TUFT1: variants seen among roughly 807,000 people sequenced by gnomAD.
TUFT1 encodes the protein tuftelin.
TUFT1 carries 43 observed loss-of-function variants against 57.8 expected under a neutral mutation model. That is an observed-to-expected ratio of 0.74 (90% CI 0.58 to 0.96). The LOEUF (loss-of-function observed/expected upper bound fraction) is 0.96, where lower values mean the gene tolerates loss of function less well. Ranked by LOEUF, TUFT1 falls within the 40% of genes least tolerant of loss-of-function variation. The pLI, the probability that TUFT1 is intolerant of heterozygous loss-of-function variation, is 0.00. For missense variants in TUFT1, 459 were observed against 489.0 expected, an observed-to-expected ratio of 0.94 and a Z score of 0.58; for synonymous variants, 166 against 176.7, an observed-to-expected ratio of 0.94 and a Z score of 0.48.
At chr1:151,575,058 C>A (rs1266657564) in intron 9 of TUFT1, 53 bp downstream of exon 9, 4 of 1,465,078 alleles carry the variant, frequency 2.7e-6, no homozygotes, top group Non-Finnish European at 3.7e-6. Context: ...GAGGGGAGGG[C>A]AGGCCATACA....
intron 1 of TUFT1, chr1:151,557,649 G>C: frequency 9.9e-7 from 1 of 1,010,462 alleles, no homozygotes; most frequent in Non-Finnish European, 1.6e-6. Context: ...ATTTCCACTG[G>C]TACGTTACCA....
chr1:151,571,286 T>C (rs577219505), intron 7 of TUFT1, among the ~76,000 whole-genome samples: 28 of 152,282 alleles, frequency 1.8e-4, no homozygotes, highest in South Asian at 1.7e-3. Context: ...TTTGAACAAG[T>C]AGTTTAACCT....
At position 151,575,025 on chromosome 1, in the gene TUFT1, T is replaced by G. The variant is rs1368565329; in HGVS notation, c.818+20T>G. 3 of 1,551,904 alleles carry G rather than the reference T, an allele frequency of 1.9e-6. No individual in the cohort carries two copies. Among genetic ancestry groups the G allele is most frequent in the Non-Finnish European group, 2.6e-6 (3 of 1,146,800 alleles). On this transcript the variant is annotated intron_variant, in intron 9 of 12. Transcript: ENST00000368849. ...AGAAAAGTAAGGGCTTGGCTCTTGT[T>G]CACGGTGAAGTTGGGTTGCAGGGAG...
At chr1:151,563,790 CCCAGTAAATTGGTGGTAA>C in intron 3 of TUFT1, 96 bp from the exon 4 acceptor site, 3 of 842,992 alleles carry the variant, frequency 3.6e-6, no homozygotes, top group Non-Finnish European at 4.0e-6. Context: ...CCAAATTCCA[CCCAGTAAATTGGTGGTAA>C]CAATTTACCC....
intron 1 of TUFT1, among the ~76,000 whole-genome samples, chr1:151,549,113 G>A (rs1213004609): frequency 6.6e-6 from 1 of 152,142 alleles, no homozygotes; most frequent in Non-Finnish European, 1.5e-5. Flanking sequence ...TGTTTATGAG[G>A]TTAGAGGCTG....
At chr1:151,568,616 G>C (rs1253919443) in intron 6 of TUFT1, among the ~76,000 whole-genome samples, 2 of 152,194 alleles carry the variant, frequency 1.3e-5, no homozygotes, top group Admixed American at 1.3e-4. Context: ...TGAGGATTTA[G>C]GGAAATTGAC....
At chr1:151,556,732 G>A (rs1372768600) in intron 1 of TUFT1, among the ~76,000 whole-genome samples, 1 of 152,128 alleles carries the variant, frequency 6.6e-6, no homozygotes, top group Non-Finnish European at 1.5e-5. Context: ...CACTTTGGGA[G>A]ACCAAGGCAG....
At chr1:151,547,402 T>C (rs908971360) in intron 1 of TUFT1, among the ~76,000 whole-genome samples, 2 of 152,222 alleles carry the variant, frequency 1.3e-5, no homozygotes, top group African/African-American at 4.8e-5. Context: ...CTAGTAATTA[T>C]GGTGCATGCC....
At position 151,582,362 on chromosome 1, in the gene TUFT1, A is replaced by G. The variant is rs1017853647; in HGVS notation, c.*655A>G. The G allele has an allele frequency of 7.4e-5, 28 of 378,556 alleles. No homozygotes were observed. Among genetic ancestry groups the G allele is most frequent in the African/African-American group, 5.9e-4 (28 of 47,514 alleles). The allele number at this position is 378,556 out of a possible 1,614,324, so 23.4% of individuals were successfully genotyped here. On this transcript the variant is annotated 3_prime_UTR_variant, in exon 13 of 13. Transcript: ENST00000368849. ...GTAGCCTTTTGCGGAAAAATTCTCTAGGGCTACAGACAGTCATGTGTGACT... is the reference window on the plus strand; with the variant it reads ...GTAGCCTTTTGCGGAAAAATTCTCTGGGGCTACAGACAGTCATGTGTGACT...
chr1:151,541,233 C>T (rs1665156097), intron 1 of TUFT1, among the ~76,000 whole-genome samples: 1 of 152,146 alleles, frequency 6.6e-6, no homozygotes. Context: ...GCGAAGGCTT[C>T]TGGACGGGGA....
chr1:151,555,418 G>A (rs1323991732), intron 1 of TUFT1, among the ~76,000 whole-genome samples: 3 of 148,222 alleles, frequency 2.0e-5, no homozygotes, highest in Non-Finnish European at 4.5e-5. Flanking sequence ...ATTTTCTTCA[G>A]TATATTCTTT....
chr1:151,569,880 C>T, intron 7 of TUFT1, 110 bp downstream of exon 7: 1 of 886,170 alleles, frequency 1.1e-6, no homozygotes, highest in South Asian at 1.4e-5. Flanking sequence ...GTGCCACAAA[C>T]TGGAAAGGCA....
rs796593309 is a variant in TUFT1, at chr1:151,574,850, G to T, written c.724-61G>T. Reference sequence around the variant, plus strand: ...GAGTCCCAGCCTGGCGCCCATCTTAGCCCAAACGCAGAAACTGTTGCCATC... The same window carrying T: ...GAGTCCCAGCCTGGCGCCCATCTTATCCCAAACGCAGAAACTGTTGCCATC... On this transcript the variant is annotated intron_variant, in intron 8 of 12. Coordinates refer to ENST00000368849, the MANE Select transcript of TUFT1 (RefSeq NM_020127.3). The T allele has an allele frequency of 8.3e-6, 12 of 1,444,790 alleles. No individual in the cohort carries two copies. In the African/African-American group the frequency reaches 1.7e-4, roughly 20 times the overall value. 89.5% of individuals were successfully genotyped at this position (1,444,790 alleles called of 1,614,324 possible).
At chr1:151,562,924 C>G (rs1000271732) in intron 3 of TUFT1, among the ~76,000 whole-genome samples, 3 of 152,150 alleles carry the variant, frequency 2.0e-5, no homozygotes, top group Non-Finnish European at 4.4e-5. Context: ...GACTGGATGA[C>G]CTTACTAGGG....
chr1:151,578,876 A>G (rs1571721848), intron 10 of TUFT1, 50 bp downstream of exon 10: 1 of 1,438,912 alleles, frequency 6.9e-7, no homozygotes, highest in South Asian at 1.2e-5. Flanking sequence ...CCCCAAGTCT[A>G]TGCTCTTATT....
At chr1:151,581,534 T>C in intron 12 of TUFT1, 110 bp from the exon 13 acceptor site, 1 of 1,024,458 alleles carries the variant, frequency 9.8e-7, no homozygotes, top group Non-Finnish European at 1.5e-6. Context: ...CAGCCAGCAC[T>C]GCAGTGTAAG....
intron 1 of TUFT1, among the ~76,000 whole-genome samples, chr1:151,555,140 CA>C (rs1440490645): frequency 6.7e-6 from 1 of 150,014 alleles, no homozygotes; most frequent in Non-Finnish European, 1.5e-5. Context: ...CCAGCCTGGG[CA>C]ACATGGCGAA....
intron 5 of TUFT1, chr1:151,564,909 C>T (rs4970962): frequency 0.33 from 71,988 of 215,454 alleles, 13,052 homozygotes; most frequent in East Asian, 0.62. Flanking sequence ...AACCTCTTAT[C>T]TATAAGGATT....
intron 8 of TUFT1, 150 bp downstream of exon 8, chr1:151,574,548 A>G (rs1666385285): frequency 1.8e-6 from 2 of 1,082,970 alleles, no homozygotes; most frequent in African/African-American, 1.6e-5. Flanking sequence ...CTTGGAATAC[A>G]TTTTAGCCTT....
Sources: gnomAD v4.1 joint callset for allele counts (sites outside exome capture counted in the v4.1 genomes callset) on GRCh38, gnomAD v4.1.1 for gene constraint, MANE v1.5 for transcripts, NCBI Gene and HGNC (gene_info 2026-07-23, HGNC 2026-07-21) for gene names.